SGO2: variants seen among roughly 807,000 people sequenced by gnomAD.
SGO2 encodes the protein shugoshin 2.
Under a neutral mutation model 99.5 loss-of-function variants are expected in SGO2, and 68 were observed. The ratio of observed to expected loss-of-function variants is 0.68; its 90% CI spans 0.56 to 0.84. The LOEUF (loss-of-function observed/expected upper bound fraction) is 0.84, where lower values mean the gene tolerates loss of function less well. SGO2 is among the 40% of genes least tolerant of loss of function. The probability of loss-of-function intolerance (pLI) is 0.00; values close to 1 mark genes in which losing one functional copy is unlikely to be tolerated. For missense variants in SGO2, 1,350 were observed against 1,436.7 expected, an observed-to-expected ratio of 0.94 and a Z score of 0.97; for synonymous variants, 457 against 487.1, an observed-to-expected ratio of 0.94 and a Z score of 0.81.
rs556692650 is a variant in SGO2, at chr2:200,570,016, C to A, written c.703+124C>A. 26 of 642,754 alleles carry A rather than the reference C, an allele frequency of 4.0e-5. No individual in the cohort carries two copies. Among genetic ancestry groups the A allele is most frequent in the Non-Finnish European group, 6.9e-5 (26 of 375,610 alleles). The allele number at this position is 642,754 out of a possible 1,614,324, so 39.8% of individuals were successfully genotyped here. ...CTCTCTTATGTTACCGATTTGCTAA[C>A]TTCTGCCATTTAAAACTGCTGGTGA... On this transcript the variant is annotated intron_variant, in intron 6 of 8. Transcript: ENST00000357799. This position sits in a 1 kb window ranked among gnomAD's most constrained non-coding sequence, Gnocchi z 4.4.
chr2:200,549,294 G>T lies in SGO2; in HGVS notation c.473+6630G>T, dbSNP rs543091885. Among the ~76,000 whole-genome samples, 16 of 152,170 alleles carry T rather than the reference G, an allele frequency of 1.1e-4. No homozygotes were observed. The East Asian group carries it at 2.9e-3, about 28-fold the overall frequency. ...AACACCCTGTCTCAAAAAAAGAAAA[G>T]CCCAGGACTTGATGGATTCGCTGCT... On this transcript the variant is annotated intron_variant, in intron 5 of 8. Coordinates refer to ENST00000357799, the MANE Select transcript of SGO2 (RefSeq NM_152524.6).
In SGO2 at chr2:200,533,139, C is replaced by T. The variant is rs758172636; in HGVS notation, c.133+31C>T. 20 of 1,520,574 alleles carry T rather than the reference C, an allele frequency of 1.3e-5. No homozygotes were observed. In the East Asian group the frequency reaches 1.4e-4, roughly 11 times the overall value. The allele number at this position is 1,520,574 out of a possible 1,614,324, so 94.2% of individuals were successfully genotyped here. A position where few individuals can be genotyped will look rare whatever the true frequency, so the allele number is the denominator to read the frequency against. ...TGCCATCAGTTTTAAAATACACTCA[C>T]GTTTTAACTTTTCCCCAGAATTGTT... On this transcript the variant is annotated intron_variant, in intron 2 of 8. Transcript: ENST00000357799.
chr2:200,573,312 AATC>A lies in SGO2; in HGVS notation c.2972_2974del (p.Ser991del). 1 of 1,605,450 alleles carries A rather than the reference AATC, an allele frequency of 6.2e-7. No individual in the cohort carries two copies. Among genetic ancestry groups the A allele is most frequent in the Non-Finnish European group, 8.5e-7 (1 of 1,177,604 alleles). On this transcript the variant is annotated inframe_deletion, in exon 7 of 9. Transcript: ENST00000357799. ...AAAGTAGTTAAAAAACGTAAGAAAG[AATC>A]ATCATGCAAGGCAAAGAACATTTTG...
At position 200,535,172 on chromosome 2, in the gene SGO2, G is replaced by A. The variant is rs1435502399; in HGVS notation, c.309+1G>A. Reference sequence around the variant, plus strand: ...TCTTCGCCTAAAGCTAAATAACTTGGTATGTAAGCTATATTGTTTTTGAAT... The same window carrying A: ...TCTTCGCCTAAAGCTAAATAACTTGATATGTAAGCTATATTGTTTTTGAAT... On this transcript the variant is annotated splice_donor_variant, in intron 3 of 8. Coordinates refer to ENST00000357799, the MANE Select transcript of SGO2 (RefSeq NM_152524.6). LOFTEE classifies it high-confidence loss of function. 4 of 1,509,494 alleles carry A rather than the reference G, an allele frequency of 2.6e-6. No homozygotes were observed. The South Asian group carries it at 4.0e-5, about 15-fold the overall frequency. 93.5% of individuals were successfully genotyped at this position (1,509,494 alleles called of 1,614,324 possible). A position where few individuals can be genotyped will look rare whatever the true frequency, so the allele number is the denominator to read the frequency against.
At position 200,573,574 on chromosome 2, in the gene SGO2, A is replaced by T. The variant is rs746855650; in HGVS notation, c.3228A>T (p.Thr1076=). The T allele has an allele frequency of 6.2e-7, 1 of 1,605,948 alleles. No homozygotes were observed. The highest frequency in any genetic ancestry group is 8.5e-7 in the Non-Finnish European group (1 of 1,177,806). ...AGGTTAAAAAGGTAAATAAAATGAC[A>T]TCTAAGTCAAAGAAAAGGAAGACCT... ...ECQVKKVNKM[T]SKSKKRKTSI... The change falls in exon 7 of 9, where the codon ACA becomes ACT. Residue 1076 remains threonine (T), a synonymous_variant. Coordinates refer to ENST00000357799, the MANE Select transcript of SGO2 (RefSeq NM_152524.6).
Position 200,571,712 on chromosome 2 carries a change from C to T in SGO2, c.1366C>T (p.Gln456Ter). 1 of 1,613,428 alleles carries T rather than the reference C, an allele frequency of 6.2e-7. No homozygotes were observed. Among genetic ancestry groups the T allele is most frequent in the Non-Finnish European group, 8.5e-7 (1 of 1,179,680 alleles). ...TCCCGGTTTTATTTTCAATAATGAA[C>T]AGCTGGCTCAGATGAATGAACAGCT... Reference protein sequence around the residue: ...EDPGFIFNNEQLAQMNEQLAQ... With the variant: ...EDPGFIFNNE Residue 456 changes from glutamine (Q) to a stop codon, truncating the protein, a stop_gained, in exon 7 of 9, where the codon CAG (glutamine) becomes TAG (stop). Transcript: ENST00000357799. LOFTEE classifies it high-confidence loss of function.
chr2:200,568,940 A>G (rs2033293305), intron 5 of SGO2, among the ~76,000 whole-genome samples: 1 of 151,900 alleles, frequency 6.6e-6, no homozygotes. Flanking sequence ...CTCAAGTGGT[A>G]TAGAAATTTC....
intron 5 of SGO2, among the ~76,000 whole-genome samples, chr2:200,553,597 A>G (rs1313010852): frequency 6.6e-6 from 1 of 152,220 alleles, no homozygotes; most frequent in African/African-American, 2.4e-5. Flanking sequence ...TACTAAAGAC[A>G]AATCATAATA....
At chr2:200,547,235 A>G (rs2032262284) in intron 5 of SGO2, among the ~76,000 whole-genome samples, 1 of 152,200 alleles carries the variant, frequency 6.6e-6, no homozygotes, top group Admixed American at 6.5e-5. Flanking sequence ...AAGGCACTCA[A>G]ACAACACCAA....
rs773749242 is a variant in SGO2, at chr2:200,571,861, T to G, written c.1515T>G (p.Ser505=). The G allele has an allele frequency of 1.2e-6, 2 of 1,613,640 alleles. No individual in the cohort carries two copies. Among genetic ancestry groups the G allele is most frequent in the Non-Finnish European group, 1.7e-6 (2 of 1,179,646 alleles). Residue 505 remains serine (S), a synonymous_variant, in exon 7 of 9, where the codon TCT becomes TCG. Transcript: ENST00000357799. ...RITNEQEETY[S]LSQSSGKFHQ... is the part of the protein sequence containing the mutation. Reference sequence around the variant, plus strand: ...CAAATGAGCAAGAGGAAACATACTCTTTATCCCAAAGTTCAGGTAAATTTC... The same window carrying G: ...CAAATGAGCAAGAGGAAACATACTCGTTATCCCAAAGTTCAGGTAAATTTC...
intron 5 of SGO2, among the ~76,000 whole-genome samples, chr2:200,547,208 A>G (rs138543425): frequency 6.6e-6 from 1 of 152,340 alleles, no homozygotes; most frequent in African/African-American, 2.4e-5. Flanking sequence ...GCCAGGAGGG[A>G]GTAGAACAAC....
At chr2:200,534,374 A>G (rs1252727068) in intron 2 of SGO2, among the ~76,000 whole-genome samples, 1 of 152,190 alleles carries the variant, frequency 6.6e-6, no homozygotes, top group Non-Finnish European at 1.5e-5. Flanking sequence ...TTTAAAGAGG[A>G]GTCGAGTTTA....
At chr2:200,533,178 CTTATT>C in intron 2 of SGO2, 70 bp downstream of exon 2, 1 of 1,436,646 alleles carries the variant, frequency 7.0e-7, no homozygotes, top group Non-Finnish European at 9.3e-7. Context: ...TATTTGCTAC[CTTATT>C]TTATCAAGTA....
intron 5 of SGO2, among the ~76,000 whole-genome samples, chr2:200,563,285 T>C (rs976286488): frequency 1.3e-5 from 2 of 152,186 alleles, no homozygotes; most frequent in African/African-American, 2.4e-5. Flanking sequence ...TGAATTTTGT[T>C]AAAGGCCTTT....
rs1331758362 is a variant in SGO2, at chr2:200,529,219, A to G, written c.-3+2967A>G. Reference sequence around the variant, plus strand: ...GTATTTTCTTAAATGTTTCATTTTCATGCATTTACACATGCCATTCTTTCT... The same window carrying G: ...GTATTTTCTTAAATGTTTCATTTTCGTGCATTTACACATGCCATTCTTTCT... On this transcript the variant is annotated intron_variant, in intron 1 of 8. Transcript: ENST00000357799. 3.3e-5 allele frequency among the ~76,000 whole-genome samples: 5 copies of G among 152,210 alleles called. No individual in the cohort carries two copies. The East Asian group carries it at 9.6e-4, about 29-fold the overall frequency.
intron 8 of SGO2, among the ~76,000 whole-genome samples, chr2:200,580,865 AT>A (rs570040409): frequency 0.012 from 1,859 of 152,064 alleles, 45 homozygotes; most frequent in African/African-American, 0.04. Flanking sequence ...ACACAAAAAA[AT>A]TTTTTTTTAA....
At chr2:200,582,058 T>A (rs1461661620) in intron 8 of SGO2, among the ~76,000 whole-genome samples, 1 of 152,132 alleles carries the variant, frequency 6.6e-6, no homozygotes, top group African/African-American at 2.4e-5. Flanking sequence ...GCATGTAAAA[T>A]ATAACTAAAC....
At position 200,572,978 on chromosome 2, in the gene SGO2, T is replaced by C. The variant is rs1297815454; in HGVS notation, c.2632T>C (p.Tyr878His). The part of the protein sequence containing the change: ...LIKDNGNLCD[Y>H]DTQNILELKK... ...CAAAGATAATGGAAATTTATGTGATTATGACACCCAGAATATATTGGAGTT... is the reference window on the plus strand; with the variant it reads ...CAAAGATAATGGAAATTTATGTGATCATGACACCCAGAATATATTGGAGTT... The change falls in exon 7 of 9, where the codon TAT becomes CAT. Residue 878 changes from tyrosine to histidine, a missense_variant. Tyr to His is a moderately conservative substitution (Grantham distance 83). Transcript: ENST00000357799. 1 of 1,592,644 alleles carries C rather than the reference T, an allele frequency of 6.3e-7. No individual in the cohort carries two copies. The highest frequency in any genetic ancestry group is 1.8e-5 in the Admixed American group (1 of 55,148).
chr2:200,575,086 A>G (rs1229305909), intron 7 of SGO2, among the ~76,000 whole-genome samples: 2 of 152,064 alleles, frequency 1.3e-5, no homozygotes, highest in African/African-American at 4.8e-5. Flanking sequence ...TGCTTCCATG[A>G]AAAGAGTTGA....
Sources: allele counts gnomAD v4.1 joint callset (sites outside exome capture counted in the v4.1 genomes callset), GRCh38; gene constraint gnomAD v4.1.1; non-coding constraint Gnocchi (gnomAD v3.1); transcripts MANE v1.5; gene names NCBI Gene and HGNC (gene_info 2026-07-23, HGNC 2026-07-21).